ROBO2: variants seen among roughly 807,000 people sequenced by gnomAD.
ROBO2 encodes roundabout guidance receptor 2, also known as roundabout homolog 2.
ROBO2 carries 53 observed loss-of-function variants against 160.8 expected under a neutral mutation model. The ratio of observed to expected loss-of-function variants is 0.33; its 90% confidence interval spans 0.26 to 0.41. The LOEUF (loss-of-function observed/expected upper bound fraction) is 0.41. Among genes scored for constraint, ROBO2 ranks in the 10% least tolerant of loss-of-function variants. The probability of loss-of-function intolerance (pLI) is 1.00; values close to 1 mark genes in which losing one functional copy is unlikely to be tolerated. For synonymous variants in ROBO2, 664 were observed against 611.7 expected, an observed-to-expected ratio of 1.09 and a Z score of -1.26; for missense variants, 1,577 against 1,722.4, an observed-to-expected ratio of 0.92 and a Z score of 1.49.
intron 16 of ROBO2, 107 bp downstream of exon 17, chr3:77,580,225 G>C: frequency 9.9e-7 from 1 of 1,006,346 alleles, no homozygotes; most frequent in Non-Finnish European, 1.6e-6. Flanking sequence ...ATGAATGATA[G>C]GGTACACATA....
chr3:76,749,479 A>T (rs2093944991), intron 2 of ROBO2, among the ~76,000 whole-genome samples: 1 of 151,980 alleles, frequency 6.6e-6, no homozygotes, highest in South Asian at 2.1e-4. Context: ...TCCTGTTCTC[A>T]GCTGCTCATG....
At chr3:76,652,991 A>G (rs1199806135) in intron 2 of ROBO2, among the ~76,000 whole-genome samples, 5 of 152,148 alleles carry the variant, frequency 3.3e-5, no homozygotes, top group Non-Finnish European at 7.4e-5. Flanking sequence ...GCCATTTATT[A>G]CAAATTTTCT....
chr3:77,218,451 G>A (rs1252520380), intron 2 of ROBO2, among the ~76,000 whole-genome samples: 2 of 149,536 alleles, frequency 1.3e-5, no homozygotes, highest in African/African-American at 2.5e-5. Context: ...CTTGGCTCAC[G>A]CAAACTCCAC....
In ROBO2 at chr3:75,986,056, C is replaced by T. The variant is rs185267464; in HGVS notation, c.109+48454C>T. On this transcript the variant is annotated intron_variant, in intron 2 of 26. Transcript: ENST00000487694. ...TGCTTTAAATTCTCTTGGGTATATA[C>T]CTGGATTGGGGTGCTGGATTATATG... 2.5e-3 allele frequency among the ~76,000 whole-genome samples: 378 copies of T among 151,592 alleles called. 1 individual carries two copies. Among genetic ancestry groups the T allele is most frequent in the African/African-American group, 8.9e-3 (368 of 41,442 alleles).
intron 2 of ROBO2, among the ~76,000 whole-genome samples, chr3:76,879,253 T>C (rs1445965982): frequency 2.0e-5 from 3 of 152,090 alleles, no homozygotes. Context: ...CACTTTCAGA[T>C]CAGTATGTTC....
intron 16 of ROBO2, among the ~76,000 whole-genome samples, chr3:77,580,360 G>C (rs558604280): frequency 3.3e-5 from 5 of 152,160 alleles, no homozygotes; most frequent in African/African-American, 1.2e-4. Context: ...AATGCTGAAA[G>C]GTAGTTTAAA....
intron 2 of ROBO2, among the ~76,000 whole-genome samples, chr3:77,122,628 AG>A (rs1227538161): frequency 2.6e-5 from 4 of 152,374 alleles, no homozygotes; most frequent in Non-Finnish European, 5.9e-5. Flanking sequence ...GCCACTTAAA[AG>A]GCTGAAGTCC....
intron 2 of ROBO2, among the ~76,000 whole-genome samples, chr3:76,403,540 A>G (rs932138079): frequency 6.6e-6 from 1 of 151,530 alleles, no homozygotes; most frequent in African/African-American, 2.4e-5. Context: ...CTATATTGAA[A>G]TGACATCCCC....
At chr3:76,812,701 A>G (rs2065297546) in intron 2 of ROBO2, among the ~76,000 whole-genome samples, 1 of 152,036 alleles carries the variant, frequency 6.6e-6, no homozygotes. Context: ...TTAAAATAAG[A>G]CAGTAGAGCT....
At chr3:76,836,121 A>C (rs1344166212) in intron 2 of ROBO2, among the ~76,000 whole-genome samples, 1 of 152,056 alleles carries the variant, frequency 6.6e-6, no homozygotes, top group Non-Finnish European at 1.5e-5. Flanking sequence ...GTCATTCAGA[A>C]TATTTTTTAT....
At chr3:76,843,734 C>T (rs1366877317) in intron 2 of ROBO2, among the ~76,000 whole-genome samples, 2 of 150,478 alleles carry the variant, frequency 1.3e-5, no homozygotes, top group Non-Finnish European at 3.0e-5. Context: ...TTGCAGAATT[C>T]AATTCTGCAT....
intron 2 of ROBO2, among the ~76,000 whole-genome samples, chr3:77,447,603 T>A (rs2080677251): frequency 6.6e-6 from 1 of 152,140 alleles, no homozygotes; most frequent in East Asian, 1.9e-4. Context: ...CATCACACTT[T>A]GCTTGAGACG....
At chr3:77,011,180 TTTCTTC>T in intron 2 of ROBO2, among the ~76,000 whole-genome samples, 1 of 145,804 alleles carries the variant, frequency 6.9e-6, no homozygotes, top group African/African-American at 2.6e-5. Context: ...CCATCCTTCC[TTTCTTC>T]CTTCCTTCCT....
chr3:76,978,109 A>G (rs2059900055), intron 2 of ROBO2, among the ~76,000 whole-genome samples: 1 of 152,276 alleles, frequency 6.6e-6, no homozygotes, highest in South Asian at 2.1e-4. Flanking sequence ...TCCTATAGTT[A>G]TTTTTTAAAC....
chr3:76,434,697 C>T, intron 2 of ROBO2: 2 of 1,092,166 alleles, frequency 1.8e-6, no homozygotes, highest in Non-Finnish European at 2.8e-6. Context: ...CCTCCCCGTT[C>T]ACCAGGCAGG....
intron 2 of ROBO2, among the ~76,000 whole-genome samples, chr3:76,551,551 T>C (rs554355396): frequency 1.3e-5 from 2 of 152,096 alleles, no homozygotes; most frequent in East Asian, 2.0e-4. Flanking sequence ...ACTCACCACA[T>C]TGTGGGCAAC....
intron 2 of ROBO2, among the ~76,000 whole-genome samples, chr3:77,472,285 T>C (rs1364319826): frequency 3.3e-5 from 5 of 152,152 alleles, no homozygotes; most frequent in Non-Finnish European, 5.9e-5. Context: ...GGAGTGACCA[T>C]TGGAGAACAG....
At chr3:76,756,548 G>T (rs1218916010) in intron 2 of ROBO2, among the ~76,000 whole-genome samples, 3 of 151,860 alleles carry the variant, frequency 2.0e-5, no homozygotes, top group African/African-American at 7.2e-5. Flanking sequence ...ATTTAAAGAT[G>T]TTTGGAAGAT....
intron 2 of ROBO2, among the ~76,000 whole-genome samples, chr3:77,168,059 T>A (rs1409965081): frequency 6.6e-6 from 1 of 152,180 alleles, no homozygotes; most frequent in African/African-American, 2.4e-5. Flanking sequence ...ATGTGCCAAT[T>A]TGGTTCTCAT....
Sources: gnomAD v4.1 joint callset for allele counts (sites outside exome capture counted in the v4.1 genomes callset) on GRCh38, gnomAD v4.1.1 for gene constraint, MANE v1.5 for transcripts, NCBI Gene and HGNC (gene_info 2026-07-23, HGNC 2026-07-21) for gene names.